The following ADORA2B variants were observed in gnomAD, a reference collection of about 807,000 sequenced individuals.
ADORA2B encodes the protein adenosine receptor A2b.
A neutral mutation model predicts 20.8 loss-of-function variants in ADORA2B; 18 were observed. That is an observed-to-expected ratio of 0.87 (90% confidence interval 0.60 to 1.29). ADORA2B has a LOEUF of 1.29. ADORA2B is among the 50% of genes most tolerant of loss of function. The pLI, the probability that ADORA2B is intolerant of heterozygous loss-of-function variation, is 0.00. For missense variants in ADORA2B, 441 were observed against 422.7 expected, an observed-to-expected ratio of 1.04 and a Z score of -0.38; for synonymous variants, 179 against 178.3, an observed-to-expected ratio of 1.00 and a Z score of -0.03.
chr17:15,856,042 G>A, the ADORA2B span, among the ~76,000 whole-genome samples: 1 of 152,012 alleles, frequency 6.6e-6, no homozygotes, highest in Non-Finnish European at 1.5e-5. Flanking sequence ...GTTTCCCTCT[G>A]TGTCCCCACC....
the ADORA2B span, among the ~76,000 whole-genome samples, chr17:15,916,580 A>G: frequency 6.6e-6 from 1 of 152,172 alleles, no homozygotes; most frequent in Non-Finnish European, 1.5e-5. Context: ...AGAACAGAAC[A>G]GGACAGGGAT....
At chr17:15,929,644 C>G in the ADORA2B span, among the ~76,000 whole-genome samples, 1 of 152,202 alleles carries the variant, frequency 6.6e-6, no homozygotes, top group Non-Finnish European at 1.5e-5. Context: ...ACTGGATAAA[C>G]AAAACATGAT....
At chr17:15,894,729 C>G in the ADORA2B span, among the ~76,000 whole-genome samples, 4 of 152,152 alleles carry the variant, frequency 2.6e-5, no homozygotes, top group Admixed American at 6.5e-5. Context: ...ACCATGGTGT[C>G]TGGTTGGACA....
intron 1 of ADORA2B, among the ~76,000 whole-genome samples, chr17:15,947,906 A>G (rs1969829875): frequency 6.6e-6 from 1 of 152,230 alleles, no homozygotes; most frequent in African/African-American, 2.4e-5. Flanking sequence ...GAATCCTCCT[A>G]GATTCAGGGC....
chr17:15,875,267 C>T, the ADORA2B span, among the ~76,000 whole-genome samples: 1 of 148,302 alleles, frequency 6.7e-6, no homozygotes, highest in Non-Finnish European at 1.5e-5. Flanking sequence ...TTTCAAGTCA[C>T]CTTGCTGATT....
chr17:15,971,426 G>A (rs1970187197), intron 1 of ADORA2B, among the ~76,000 whole-genome samples: 1 of 152,324 alleles, frequency 6.6e-6, no homozygotes, highest in Non-Finnish European at 1.5e-5. Context: ...GCCCATGATT[G>A]AGCTGCCTGT....
chr17:15,869,885 A>G, the ADORA2B span, among the ~76,000 whole-genome samples: 1 of 152,212 alleles, frequency 6.6e-6, no homozygotes, highest in African/African-American at 2.4e-5. Context: ...GAATTTTCTC[A>G]TTTTGACATG....
At chr17:15,874,926 A>G in the ADORA2B span, among the ~76,000 whole-genome samples, 1 of 152,294 alleles carries the variant, frequency 6.6e-6, no homozygotes, top group African/African-American at 2.4e-5. Flanking sequence ...CACATTCCCA[A>G]TACTGGATAC....
intron 1 of ADORA2B, among the ~76,000 whole-genome samples, chr17:15,958,459 A>G (rs913460542): frequency 4.4e-4 from 67 of 152,096 alleles, no homozygotes; most frequent in African/African-American, 1.6e-3. Flanking sequence ...CATAGCTGCA[A>G]TCTTTCTGAA....
the ADORA2B span, among the ~76,000 whole-genome samples, chr17:15,885,439 C>T: frequency 3.3e-5 from 5 of 152,108 alleles, no homozygotes; most frequent in South Asian, 2.1e-4. Context: ...GCAGGCCAGG[C>T]GTGGTGCGTC....
At chr17:15,964,502 AG>A (rs1262351421) in intron 1 of ADORA2B, among the ~76,000 whole-genome samples, 1 of 151,146 alleles carries the variant, frequency 6.6e-6, no homozygotes, top group Non-Finnish European at 1.5e-5. Flanking sequence ...CCAGCTACTC[AG>A]GAGGCTGAGG....
At chr17:15,967,566 G>A (rs1970136680) in intron 1 of ADORA2B, among the ~76,000 whole-genome samples, 1 of 152,144 alleles carries the variant, frequency 6.6e-6, no homozygotes, top group Non-Finnish European at 1.5e-5. Flanking sequence ...AAGAATGGGA[G>A]AAGGTGGAGG....
At chr17:15,867,228 A>G in the ADORA2B span, among the ~76,000 whole-genome samples, 9 of 150,808 alleles carry the variant, frequency 6.0e-5, no homozygotes, top group African/African-American at 1.7e-4. Context: ...AGTGAGGAGC[A>G]TCTCTGCCTG....
chr17:15,938,999 C>T, the ADORA2B span, among the ~76,000 whole-genome samples: 1 of 152,156 alleles, frequency 6.6e-6, no homozygotes, highest in Admixed American at 6.5e-5. Flanking sequence ...TCCATAACAT[C>T]AAACATAGCA....
chr17:15,935,962 G>A, the ADORA2B span, among the ~76,000 whole-genome samples: 1 of 151,388 alleles, frequency 6.6e-6, no homozygotes, highest in African/African-American at 2.4e-5. Context: ...TACCTCCCAG[G>A]TTCAGGCGAT....
the ADORA2B span, among the ~76,000 whole-genome samples, chr17:15,877,800 TG>T: frequency 1.3e-5 from 2 of 152,092 alleles, no homozygotes; most frequent in East Asian, 3.9e-4. Context: ...TCCCCCGACC[TG>T]AAGCACCTCT....
chr17:15,878,476 G>A, the ADORA2B span, among the ~76,000 whole-genome samples: 1 of 152,154 alleles, frequency 6.6e-6, no homozygotes, highest in African/African-American at 2.4e-5. Flanking sequence ...AGCCAGTGCT[G>A]TGATATGCAT....
At chr17:15,854,452 G>A in the ADORA2B span, among the ~76,000 whole-genome samples, 4 of 152,074 alleles carry the variant, frequency 2.6e-5, no homozygotes, top group Non-Finnish European at 4.4e-5. Context: ...TAGAAAACTA[G>A]GAATAGAAGG....
At chr17:15,973,091 A>G (rs574273286) in intron 1 of ADORA2B, among the ~76,000 whole-genome samples, 59 of 151,984 alleles carry the variant, frequency 3.9e-4, no homozygotes, top group African/African-American at 1.4e-3. Context: ...GCACTGCTAG[A>G]CTCTTGTTCT....
Sources: gnomAD v4.1 joint callset for allele counts (sites outside exome capture counted in the v4.1 genomes callset) on GRCh38, gnomAD v4.1.1 for gene constraint, MANE v1.5 for transcripts, NCBI Gene and HGNC (gene_info 2026-07-23, HGNC 2026-07-21) for gene names.